The following RAB22A variants were observed in gnomAD, a reference collection of about 807,000 sequenced individuals.
The protein encoded by RAB22A is ras-related protein Rab-22A.
Under a neutral mutation model 30.2 loss-of-function variants are expected in RAB22A, and 13 were observed. The ratio of observed to expected loss-of-function variants is 0.43; its 90% CI spans 0.28 to 0.68. The LOEUF (loss-of-function observed/expected upper bound fraction) is 0.68, where lower values mean the gene tolerates loss of function less well. Ranked by LOEUF, RAB22A falls within the 30% of genes least tolerant of loss-of-function variation. The pLI, the probability that RAB22A is intolerant of heterozygous loss-of-function variation, is 0.18. For synonymous variants in RAB22A, 89 were observed against 87.2 expected (o/e 1.02, Z -0.11); for missense variants, 177 against 246.8 (o/e 0.72, Z 1.89).
At chr20:58,310,882 T>C (rs1190164538) in intron 1 of RAB22A, among the ~76,000 whole-genome samples, 161 bp from the exon 2 acceptor site, 2 of 152,256 alleles carry the variant, frequency 1.3e-5, no homozygotes, top group Non-Finnish European at 2.9e-5. Flanking sequence ...TCCTAATTAC[T>C]CTACTGAATT....
At chr20:58,349,304 G>T (rs1017542533) in intron 3 of RAB22A, among the ~76,000 whole-genome samples, 1 of 152,216 alleles carries the variant, frequency 6.6e-6, no homozygotes, top group Non-Finnish European at 1.5e-5. Context: ...TCCCCAGTGG[G>T]TATTTCCCAG....
At chr20:58,346,098 T>G (rs1463465587) in intron 3 of RAB22A, 1 of 152,566 alleles carries the variant, frequency 6.6e-6, no homozygotes, top group Non-Finnish European at 1.5e-5. Context: ...CCTGACAGCT[T>G]CATTCTCTAC....
chr20:58,326,884 AC>A (rs1303020238), intron 2 of RAB22A, among the ~76,000 whole-genome samples: 1 of 152,096 alleles, frequency 6.6e-6, no homozygotes, highest in African/African-American at 2.4e-5. Flanking sequence ...CAACATCCTT[AC>A]CTTTTCCCAA....
chr20:58,324,437 T>C (rs1986519466), intron 2 of RAB22A, among the ~76,000 whole-genome samples: 1 of 152,256 alleles, frequency 6.6e-6, no homozygotes, highest in African/African-American at 2.4e-5. Context: ...CTCTATGATA[T>C]GTCTCTTCCC....
chr20:58,339,829 AAAGTGCTGTTCTCAACAGGTG>A (rs1215697609), intron 2 of RAB22A, among the ~76,000 whole-genome samples: 1 of 152,132 alleles, frequency 6.6e-6, no homozygotes. Flanking sequence ...CAGATTTGGA[AAAGTGCTGTTCTCAACAGGTG>A]AAGACCTGAC....
intron 2 of RAB22A, among the ~76,000 whole-genome samples, chr20:58,335,919 T>C (rs573849996): frequency 2.6e-5 from 4 of 152,336 alleles, no homozygotes; most frequent in Admixed American, 2.0e-4. Flanking sequence ...TTGTCCCTTT[T>C]GTCCCTTCCT....
rs62205886 is a variant in RAB22A at position 58,334,160 on chromosome 20, G to A, written c.117-9558G>A. On this transcript the variant is annotated intron_variant, in intron 2 of 6. Transcript: ENST00000244040. ...ACCCTGGCCAACATGGTGAAACCGC[G>A]TCTCTACTAAAAACACAAAAAAACA... Among the ~76,000 whole-genome samples, 3 of 151,968 alleles carry A rather than the reference G, an allele frequency of 2.0e-5. No individual in the cohort carries two copies. The East Asian group carries it at 5.8e-4, about 29-fold the overall frequency.
intron 2 of RAB22A, among the ~76,000 whole-genome samples, chr20:58,334,352 C>A (rs1413166258): frequency 1.3e-5 from 2 of 150,564 alleles, no homozygotes; most frequent in African/African-American, 2.4e-5. Flanking sequence ...AAAAAAAATT[C>A]TTTTTTTTAA....
chr20:58,331,558 A>G (rs771944852), intron 2 of RAB22A, among the ~76,000 whole-genome samples: 20 of 152,164 alleles, frequency 1.3e-4, no homozygotes, highest in Admixed American at 3.9e-4. Context: ...CCATTATTCC[A>G]TTGAAACACC....
intron 6 of RAB22A, among the ~76,000 whole-genome samples, chr20:58,358,465 G>C (rs959700018): frequency 1.3e-5 from 2 of 152,150 alleles, no homozygotes; most frequent in Admixed American, 6.5e-5. Context: ...ACACATACTC[G>C]TAAGTTCAGA....
rs559057736 is a variant in RAB22A, at chr20:58,311,400, C to G, written c.116+278C>G. Among the ~76,000 whole-genome samples the G allele has an allele frequency of 1.6e-4, 25 of 152,304 alleles. 2 individuals carry two copies. In the South Asian group the frequency reaches 5.0e-3, roughly 30 times the overall value. On this transcript the variant is annotated intron_variant, in intron 2 of 6. Transcript: ENST00000244040. ...CACAGAAGCTTCGGTCTATAAATAT[C>G]AACAGCAATTACACCTTGAAATAAG... is the stretch of plus-strand genomic sequence containing the variant.
At chr20:58,318,372 A>G (rs1186722038) in intron 2 of RAB22A, among the ~76,000 whole-genome samples, 1 of 152,178 alleles carries the variant, frequency 6.6e-6, no homozygotes, top group Non-Finnish European at 1.5e-5. Context: ...TTTTCGTAAC[A>G]TGCATGCACA....
At chr20:58,329,391 A>C (rs1986625734) in intron 2 of RAB22A, among the ~76,000 whole-genome samples, 1 of 152,092 alleles carries the variant, frequency 6.6e-6, no homozygotes, top group South Asian at 2.1e-4. Flanking sequence ...CTAGATGTAG[A>C]TTTCAGATGT....
In RAB22A at chr20:58,362,997, T is replaced by C. The variant is rs1431763339; in HGVS notation, c.*3294T>C. The C allele has an allele frequency of 2.0e-5, 3 of 152,240 alleles. No individual in the cohort carries two copies. The highest frequency in any genetic ancestry group is 7.2e-5 in the African/African-American group (3 of 41,472). 9.4% of individuals were successfully genotyped at this position (152,240 alleles called of 1,614,324 possible). A position where few individuals can be genotyped will look rare whatever the true frequency, so the allele number is the denominator to read the frequency against. Reference sequence around the variant, plus strand: ...AGAACTTCTCTTTACGTCTTGTATGTATTTCTTTTCTGTTCTCAAGGAGGA... The same window carrying C: ...AGAACTTCTCTTTACGTCTTGTATGCATTTCTTTTCTGTTCTCAAGGAGGA... On this transcript the variant is annotated 3_prime_UTR_variant, in exon 7 of 7. Transcript: ENST00000244040.
Position 58,366,265 on chromosome 20 carries a change from CAG to C in RAB22A, c.*6563_*6564del, listed in dbSNP as rs1406105891. The C allele has an allele frequency of 6.6e-6, 1 of 152,232 alleles. No individual in the cohort carries two copies. The highest frequency in any genetic ancestry group is 2.4e-5 in the African/African-American group (1 of 41,426). The allele number at this position is 152,232 out of a possible 1,614,324, so 9.4% of individuals were successfully genotyped here. The stretch of plus-strand genomic sequence containing the variant: ...CTGCGGCCTTCCGTGGTCACAGCAA[CAG>C]GGACTGCTCACCCCCTCCAGCTGGG... On this transcript the variant is annotated 3_prime_UTR_variant, in exon 7 of 7. Coordinates refer to ENST00000244040, the MANE Select transcript of RAB22A (RefSeq NM_020673.3).
intron 2 of RAB22A, among the ~76,000 whole-genome samples, chr20:58,327,877 A>G (rs1250909626): frequency 6.6e-6 from 1 of 152,212 alleles, no homozygotes; most frequent in African/African-American, 2.4e-5. Flanking sequence ...AGACTGAGAA[A>G]CTGATCCAGA....
rs1022865210 is a variant in RAB22A at position 58,365,253 on chromosome 20, A to AC, written c.*5554dup. 1 of 152,086 alleles carries AC rather than the reference A, an allele frequency of 6.6e-6. No individual in the cohort carries two copies. Among genetic ancestry groups the AC allele is most frequent in the African/African-American group, 2.4e-5 (1 of 41,388 alleles). 9.4% of individuals were successfully genotyped at this position (152,086 alleles called of 1,614,324 possible). ...GGCCAAAATTGAAATTGTCAAGGAA[A>AC]CCCCTCAGCATCTAACGTCATCTTG... On this transcript the variant is annotated 3_prime_UTR_variant, in exon 7 of 7. Coordinates refer to ENST00000244040, the MANE Select transcript of RAB22A (RefSeq NM_020673.3).
In RAB22A at chr20:58,354,222, C is replaced by T. The variant is rs138266092; in HGVS notation, c.444C>T (p.Ser148=). Residue 148 remains serine (S), a synonymous_variant, in exon 6 of 7, where the codon AGC becomes AGT. Coordinates refer to ENST00000244040, the MANE Select transcript of RAB22A (RefSeq NM_020673.3). ...DSIHAIFVET[S]AKNAININEL... ...TTCATGCAATTTTTGTAGAGACCAG[C>T]GCAAAAAACGCGATAAACATAAATG... is the stretch of plus-strand genomic sequence containing the variant. 65 of 1,613,190 alleles carry T rather than the reference C, an allele frequency of 4.0e-5. No homozygotes were observed. Among genetic ancestry groups the T allele is most frequent in the Middle Eastern group, 1.6e-4 (1 of 6,084 alleles).
rs1297929009 is a variant in RAB22A, at chr20:58,361,766, T to C, written c.*2063T>C. 6.6e-6 allele frequency: 1 copy of C among 151,982 alleles called. No individual in the cohort carries two copies. Among genetic ancestry groups the C allele is most frequent in the Non-Finnish European group, 1.5e-5 (1 of 68,014 alleles). The allele number at this position is 151,982 out of a possible 1,614,324, so 9.4% of individuals were successfully genotyped here. A position where few individuals can be genotyped will look rare whatever the true frequency, so the allele number is the denominator to read the frequency against. ...AGCATGTGCGACCCTTTCTGTCTTA[T>C]TTTACCAAAAGATGGTGCAAATCTA... On this transcript the variant is annotated 3_prime_UTR_variant, in exon 7 of 7. Coordinates refer to ENST00000244040, the MANE Select transcript of RAB22A (RefSeq NM_020673.3).
Sources: allele counts gnomAD v4.1 joint callset (sites outside exome capture counted in the v4.1 genomes callset), GRCh38; gene constraint gnomAD v4.1.1; transcripts MANE v1.5; gene names NCBI Gene and HGNC (gene_info 2026-07-23, HGNC 2026-07-21).